The following UNC5C variants were observed in gnomAD, a reference collection of about 807,000 sequenced individuals.
The protein encoded by UNC5C is netrin receptor UNC5C.
Under a neutral mutation model 99.8 loss-of-function variants are expected in UNC5C, and 47 were observed. That is an observed-to-expected ratio of 0.47 (90% CI 0.37 to 0.60). The LOEUF (loss-of-function observed/expected upper bound fraction) is 0.60, where lower values mean the gene tolerates loss of function less well. Ranked by LOEUF, UNC5C falls within the 20% of genes least tolerant of loss-of-function variation. UNC5C has a pLI of 0.00. For synonymous variants in UNC5C, 487 were observed against 452.2 expected (o/e 1.08, Z -0.98); for missense variants, 1,062 against 1,165.9 (o/e 0.91, Z 1.30).
At chr4:95,360,032 C>A (rs1483755) in intron 1 of UNC5C, among the ~76,000 whole-genome samples, 23,428 of 151,960 alleles carry the variant, frequency 0.15, 2,025 homozygotes, top group Admixed American at 0.2. Context: ...TTTTGCTTGA[C>A]AAATACTCAA....
At chr4:95,182,007 G>A (rs1736631302) in intron 14 of UNC5C, among the ~76,000 whole-genome samples, 2 of 152,156 alleles carry the variant, frequency 1.3e-5, no homozygotes, top group African/African-American at 4.8e-5. Context: ...GCAGCACAGG[G>A]CTTAGCTCCA....
chr4:95,206,641 T>C lies in UNC5C; in HGVS notation c.1889A>G (p.Gln630Arg). The change falls in exon 11 of 16, where the codon CAG becomes CGG. Residue 630 changes from glutamine (Q) to arginine (R), a missense_variant. This residue lies in a region of UNC5C where 810 missense variants were observed against 854.5 expected (regional missense o/e 0.95). Coordinates refer to ENST00000453304, the MANE Select transcript of UNC5C (RefSeq NM_003728.4). ...ACAGCAGCTCACCTCCCACTGTCCC[T>C]GTGCTGCCTGGTTCTTGAGCAGTAT... The part of the protein sequence containing the change: ...WKILLKNQAA[Q>R]GQWEDVVVVG... 6.2e-7 allele frequency: 1 copy of C among 1,614,142 alleles called. No individual in the cohort carries two copies. The highest frequency in any genetic ancestry group is 8.5e-7 in the Non-Finnish European group (1 of 1,180,018).
At chr4:95,468,144 T>C (rs7680017) in intron 1 of UNC5C, among the ~76,000 whole-genome samples, 94,761 of 147,294 alleles carry the variant, frequency 0.64, 31,157 homozygotes, top group African/African-American at 0.78. Flanking sequence ...TTTTTTTTTG[T>C]TTTTTCATTT....
intron 1 of UNC5C, among the ~76,000 whole-genome samples, chr4:95,464,024 A>G (rs753032322): frequency 2.3e-4 from 35 of 152,336 alleles, no homozygotes; most frequent in Middle Eastern, 3.4e-3. Context: ...AATGAAATAC[A>G]ACGGTATAAA....
chr4:95,538,765 T>C (rs1722842663), intron 1 of UNC5C, among the ~76,000 whole-genome samples: 1 of 152,210 alleles, frequency 6.6e-6, no homozygotes, highest in Non-Finnish European at 1.5e-5. Flanking sequence ...ATGTATTATG[T>C]AAATATTCAT....
intron 1 of UNC5C, among the ~76,000 whole-genome samples, chr4:95,522,159 G>A (rs1007136168): frequency 5.3e-5 from 8 of 151,792 alleles, no homozygotes; most frequent in African/African-American, 1.4e-4. Flanking sequence ...ATTGTATAAA[G>A]GTATAGTTTA....
chr4:95,511,248 T>C (rs1722062518), intron 1 of UNC5C, among the ~76,000 whole-genome samples: 1 of 151,922 alleles, frequency 6.6e-6, no homozygotes, highest in South Asian at 2.1e-4. Context: ...TTAGCAACAC[T>C]TGCATATTTT....
At chr4:95,192,921 T>G (rs1041298670) in intron 12 of UNC5C, among the ~76,000 whole-genome samples, 2 of 152,216 alleles carry the variant, frequency 1.3e-5, no homozygotes, top group Non-Finnish European at 2.9e-5. Flanking sequence ...CTCTCTCTTG[T>G]TCTCTCTCCA....
chr4:95,455,800 A>G (rs1390585233), intron 1 of UNC5C, among the ~76,000 whole-genome samples: 1 of 152,000 alleles, frequency 6.6e-6, no homozygotes, highest in Non-Finnish European at 1.5e-5. Context: ...GTTATTAATA[A>G]CTTGACGTTC....
At chr4:95,448,620 T>C (rs538831056) in intron 1 of UNC5C, among the ~76,000 whole-genome samples, 1 of 152,248 alleles carries the variant, frequency 6.6e-6, no homozygotes, top group South Asian at 2.1e-4. Context: ...AAGTGTAACA[T>C]ATGGTGGTGT....
intron 3 of UNC5C, among the ~76,000 whole-genome samples, chr4:95,283,554 A>G (rs933042920): frequency 6.6e-6 from 1 of 152,242 alleles, no homozygotes; most frequent in Non-Finnish European, 1.5e-5. Context: ...GATTTTAAGC[A>G]TATCTTTTAT....
chr4:95,364,102 C>A (rs1372482107), intron 1 of UNC5C, among the ~76,000 whole-genome samples: 2 of 152,192 alleles, frequency 1.3e-5, no homozygotes, highest in Non-Finnish European at 2.9e-5. Flanking sequence ...CACTCTCAAC[C>A]ATGCCGTGAA....
At chr4:95,424,155 T>C (rs985445757) in intron 1 of UNC5C, among the ~76,000 whole-genome samples, 7 of 152,130 alleles carry the variant, frequency 4.6e-5, no homozygotes, top group Admixed American at 1.3e-4. Context: ...GTAAATCATA[T>C]TGAATGTTGA....
chr4:95,238,173 T>C (rs527740654), intron 7 of UNC5C, among the ~76,000 whole-genome samples: 16 of 152,230 alleles, frequency 1.1e-4, no homozygotes, highest in Non-Finnish European at 1.5e-4. Flanking sequence ...TGAGTTTTTT[T>C]CTACAATTTT....
chr4:95,341,394 G>A (rs1743569656), intron 1 of UNC5C, among the ~76,000 whole-genome samples: 1 of 151,376 alleles, frequency 6.6e-6, no homozygotes, highest in African/African-American at 2.4e-5. Flanking sequence ...GACCTAGAAG[G>A]GCAAGCAAAT....
intron 7 of UNC5C, among the ~76,000 whole-genome samples, chr4:95,241,261 C>T (rs1739321424): frequency 6.6e-6 from 1 of 152,174 alleles, no homozygotes; most frequent in African/African-American, 2.4e-5. Flanking sequence ...ACATCATTAC[C>T]AGAAGCTGTG....
intron 1 of UNC5C, among the ~76,000 whole-genome samples, chr4:95,479,200 AG>A (rs1721059305): frequency 6.6e-6 from 1 of 152,016 alleles, no homozygotes; most frequent in South Asian, 2.1e-4. Flanking sequence ...ACTTGTATAA[AG>A]AGTTATATGA....
chr4:95,299,086 C>A (rs1433209918), intron 3 of UNC5C, among the ~76,000 whole-genome samples: 3 of 152,132 alleles, frequency 2.0e-5, no homozygotes, highest in African/African-American at 4.8e-5. Flanking sequence ...GAAGCCCTAA[C>A]CCTCAGTTCC....
intron 7 of UNC5C, chr4:95,222,222 A>T (rs1738494686): frequency 6.7e-7 from 1 of 1,501,798 alleles, no homozygotes; most frequent in Admixed American, 2.3e-5. Flanking sequence ...GAAAATCCAT[A>T]TTCATTCTGG....
Sources: gnomAD v4.1 joint callset for allele counts (sites outside exome capture counted in the v4.1 genomes callset) on GRCh38, gnomAD v4.1.1 for gene constraint, gnomAD v4.1.1 regional missense constraint, MANE v1.5 for transcripts, NCBI Gene and HGNC (gene_info 2026-07-23, HGNC 2026-07-21) for gene names.